Variants in CDS1 observed in about 807,000 individuals in gnomAD.
CDS1 encodes CDP-diacylglycerol synthase 1, also known as phosphatidate cytidylyltransferase 1.
A neutral mutation model predicts 62.1 loss-of-function variants in CDS1; 41 were observed. The ratio of observed to expected loss-of-function variants is 0.66; its 90% CI spans 0.51 to 0.86. The LOEUF is 0.86. Among genes scored for constraint, CDS1 ranks in the 40% least tolerant of loss-of-function variants. The pLI is 0.00. For synonymous variants in CDS1, 185 were observed against 192.6 expected (o/e 0.96, Z 0.32); for missense variants, 470 against 550.1 (o/e 0.85, Z 1.46).
intron 5 of CDS1, among the ~76,000 whole-genome samples, chr4:84,620,021 T>C (rs1723626966): frequency 1.0e-5 from 1 of 95,704 alleles, no homozygotes; most frequent in Admixed American, 1.2e-4. Flanking sequence ...AAAACTCTTA[T>C]CTAAAAAAAA....
intron 6 of CDS1, 72 bp from the exon 7 acceptor site, chr4:84,633,785 A>G: frequency 1.1e-6 from 1 of 918,016 alleles, no homozygotes; most frequent in Non-Finnish European, 1.6e-6. Context: ...TTGGGTTTCA[A>G]ATCGCTGTTG....
chr4:84,608,301 G>A (rs571653477), intron 2 of CDS1, among the ~76,000 whole-genome samples: 2 of 152,320 alleles, frequency 1.3e-5, no homozygotes, highest in Non-Finnish European at 2.9e-5. Context: ...AGCCTCCCAA[G>A]TAGCTGGGAC....
chr4:84,635,772 T>G (rs1224193476), intron 8 of CDS1, among the ~76,000 whole-genome samples: 1 of 149,056 alleles, frequency 6.7e-6, no homozygotes, highest in Non-Finnish European at 1.5e-5. Context: ...CTTTTTTTTT[T>G]TGAAGATGGG....
chr4:84,612,061 G>A (rs552168055), intron 3 of CDS1, among the ~76,000 whole-genome samples: 33 of 151,736 alleles, frequency 2.2e-4, no homozygotes, highest in African/African-American at 7.0e-4. Flanking sequence ...ATGATTTTGG[G>A]CAGTGTATCA....
chr4:84,636,911 A>G (rs936666471), intron 8 of CDS1, among the ~76,000 whole-genome samples: 3 of 152,204 alleles, frequency 2.0e-5, no homozygotes, highest in African/African-American at 7.2e-5. Context: ...TCTCACAGAC[A>G]TATTATTACC....
chr4:84,623,147 G>T (rs192377223), intron 5 of CDS1, among the ~76,000 whole-genome samples: 154 of 152,258 alleles, frequency 1.0e-3, no homozygotes, highest in Admixed American at 1.1e-3. Context: ...TCCTGTGTGA[G>T]CTGGCTGCAT....
chr4:84,613,801 A>G (rs922136364), intron 3 of CDS1, among the ~76,000 whole-genome samples: 1 of 152,168 alleles, frequency 6.6e-6, no homozygotes, highest in Admixed American at 6.5e-5. Context: ...TATAGAAGAT[A>G]TTGAAAGAGG....
chr4:84,620,142 A>G (rs1253387005), intron 5 of CDS1, among the ~76,000 whole-genome samples: 2 of 151,702 alleles, frequency 1.3e-5, no homozygotes, highest in Non-Finnish European at 2.9e-5. Context: ...TTATGAAAAA[A>G]CTTTCACATA....
chr4:84,641,589 C>T (rs898055607), intron 10 of CDS1, among the ~76,000 whole-genome samples: 3 of 152,160 alleles, frequency 2.0e-5, no homozygotes, highest in Non-Finnish European at 2.9e-5. Flanking sequence ...ACCAGTTTAC[C>T]GAGTCCTTGA....
rs928062624 is a variant in CDS1 at position 84,592,734 on chromosome 4, G to A, written c.117+9216G>A. Among the ~76,000 whole-genome samples, 2 of 152,144 alleles carry A rather than the reference G, an allele frequency of 1.3e-5. 1 individual carries two copies. Among genetic ancestry groups the A allele is most frequent in the Admixed American group, 1.3e-4 (2 of 15,266 alleles). On this transcript the variant is annotated intron_variant, in intron 1 of 12. Coordinates refer to ENST00000295887, the MANE Select transcript of CDS1 (RefSeq NM_001263.4). ...TTTATAGCTGCTTTTTGCAAACAAC[G>A]CAGCTAAGAAAGCAGTGTTGCTTTT... is the stretch of plus-strand genomic sequence containing the variant.
At chr4:84,639,432 C>T (rs932763883) in intron 9 of CDS1, among the ~76,000 whole-genome samples, 1 of 152,194 alleles carries the variant, frequency 6.6e-6, no homozygotes, top group Non-Finnish European at 1.5e-5. Flanking sequence ...CCACTTGGCT[C>T]AGTGGGTGGT....
At chr4:84,591,096 G>T (rs1231191949) in intron 1 of CDS1, among the ~76,000 whole-genome samples, 1 of 152,142 alleles carries the variant, frequency 6.6e-6, no homozygotes, top group Non-Finnish European at 1.5e-5. Context: ...CTGGGGAAAA[G>T]TGGGACAATT....
At chr4:84,629,998 C>G (rs905616593) in intron 5 of CDS1, among the ~76,000 whole-genome samples, 3 of 152,090 alleles carry the variant, frequency 2.0e-5, no homozygotes, top group African/African-American at 7.2e-5. Context: ...TCTGTTTGGA[C>G]AGAAAACATG....
At chr4:84,594,262 A>G (rs543982125) in intron 1 of CDS1, among the ~76,000 whole-genome samples, 1 of 152,302 alleles carries the variant, frequency 6.6e-6, no homozygotes, top group Non-Finnish European at 1.5e-5. Context: ...ACCCTGAGAT[A>G]CTGAACGGAA....
rs1284041501 is a variant in CDS1, at chr4:84,623,598, C to T, written c.580+4065C>T. ...TTTTCTCTGTTCTTGTGGGGCTTCC[C>T]CTTAATTTATTTTAATGTTATTTTG... On this transcript the variant is annotated intron_variant, in intron 5 of 12. Coordinates refer to ENST00000295887, the MANE Select transcript of CDS1 (RefSeq NM_001263.4). 2.6e-5 allele frequency among the ~76,000 whole-genome samples: 4 copies of T among 152,096 alleles called. No individual in the cohort carries two copies. In the South Asian group the frequency reaches 6.2e-4, roughly 24 times the overall value.
Position 84,635,255 on chromosome 4 carries a change from TA to T in CDS1, c.723-4del, listed in dbSNP as rs748866234. ...TTCTGCTGACTTTTTTTTTTTTTTT[TA>T]AAAACAGGTTCCTTGTTCCAATATC... On this transcript the variant is annotated splice_region_variant and splice_polypyrimidine_tract_variant and intron_variant, in intron 7 of 12. Coordinates refer to ENST00000295887, the MANE Select transcript of CDS1 (RefSeq NM_001263.4). The T allele has an allele frequency of 2.6e-4, 338 of 1,301,194 alleles. No homozygotes were observed. In the African/African-American group the frequency reaches 3.0e-3, roughly 11 times the overall value. 80.6% of individuals were successfully genotyped at this position (1,301,194 alleles called of 1,614,324 possible).
At position 84,649,126 on chromosome 4, in the gene CDS1, G is replaced by A. The variant is rs1288839529; in HGVS notation, c.*440G>A. ...TTATGCAAGGCACAATAGGAAGTCA[G>A]TTCTCCTGCACTTCCTCCTCATGTA... On this transcript the variant is annotated 3_prime_UTR_variant, in exon 13 of 13. Coordinates refer to ENST00000295887, the MANE Select transcript of CDS1 (RefSeq NM_001263.4). The A allele has an allele frequency of 6.6e-6, 1 of 152,418 alleles. No homozygotes were observed. Among genetic ancestry groups the A allele is most frequent in the Non-Finnish European group, 1.5e-5 (1 of 68,654 alleles). The allele number at this position is 152,418 out of a possible 1,614,324, so 9.4% of individuals were successfully genotyped here.
intron 5 of CDS1, among the ~76,000 whole-genome samples, chr4:84,627,803 AG>A (rs1465274527): frequency 5.3e-5 from 8 of 152,176 alleles, no homozygotes; most frequent in Non-Finnish European, 1.5e-5. Context: ...TTTATATCAG[AG>A]GATATTAATG....
At chr4:84,622,929 T>C (rs1364819382) in intron 5 of CDS1, among the ~76,000 whole-genome samples, 1 of 152,220 alleles carries the variant, frequency 6.6e-6, no homozygotes, top group Non-Finnish European at 1.5e-5. Flanking sequence ...TTTCCTTCTT[T>C]TACAACTTTT....
Sources: gnomAD v4.1 joint callset for allele counts (sites outside exome capture counted in the v4.1 genomes callset) on GRCh38, gnomAD v4.1.1 for gene constraint, MANE v1.5 for transcripts, NCBI Gene and HGNC (gene_info 2026-07-23, HGNC 2026-07-21) for gene names.